RNPEPL1: variants seen among roughly 807,000 people sequenced by gnomAD.
The protein encoded by RNPEPL1 is arginyl aminopeptidase like 1.
RNPEPL1 carries 46 observed loss-of-function variants against 69.0 expected under a neutral mutation model. The ratio of observed to expected loss-of-function variants is 0.67; its 90% CI spans 0.53 to 0.85. The LOEUF is 0.85. Ranked by LOEUF, RNPEPL1 falls within the 40% of genes least tolerant of loss-of-function variation. RNPEPL1 has a pLI of 0.00. For missense variants in RNPEPL1, 869 were observed against 992.5 expected, an observed-to-expected ratio of 0.88 and a Z score of 1.67; for synonymous variants, 525 against 454.1, an observed-to-expected ratio of 1.16 and a Z score of -1.98.
At chr2:240,570,333 G>T (rs2093017636) in intron 1 of RNPEPL1, among the ~76,000 whole-genome samples, 4 of 152,212 alleles carry the variant, frequency 2.6e-5, no homozygotes, top group African/African-American at 7.2e-5. Context: ...GGTACTCTGG[G>T]CAGGGAGAGT....
intron 6 of RNPEPL1, 108 bp downstream of exon 6, chr2:240,574,736 C>T (rs1320397833): frequency 1.1e-5 from 11 of 1,020,046 alleles, no homozygotes; most frequent in Non-Finnish European, 1.5e-5. Flanking sequence ...CTGCACTGTG[C>T]CTGGACCCCT....
At position 240,568,553 on chromosome 2, in the gene RNPEPL1, C is replaced by G; in HGVS notation, c.-34C>G. On this transcript the variant is annotated 5_prime_UTR_variant, in exon 1 of 11. Coordinates refer to ENST00000270357, the MANE Select transcript of RNPEPL1 (RefSeq NM_018226.6). This position sits in a 1 kb window ranked among gnomAD's most constrained non-coding sequence, Gnocchi z 6.2. ...CCCCTCGCCCGCGGCCCGGCGCGGC[C>G]GCCGCCCATGGATTTCACCTAGTGC... The G allele has an allele frequency of 1.0e-6, 1 of 958,884 alleles. No homozygotes were observed. Among genetic ancestry groups the G allele is most frequent in the Non-Finnish European group, 1.2e-6 (1 of 809,312 alleles). The allele number at this position is 958,884 out of a possible 1,614,324, so 59.4% of individuals were successfully genotyped here. A position where few individuals can be genotyped will look rare whatever the true frequency, so the allele number is the denominator to read the frequency against.
chr2:240,573,614 G>A (rs2093028949), intron 3 of RNPEPL1, among the ~76,000 whole-genome samples, 161 bp from the exon 4 acceptor site: 1 of 152,254 alleles, frequency 6.6e-6, no homozygotes, highest in African/African-American at 2.4e-5. Flanking sequence ...GGGCCAGGGT[G>A]GCTGCCCATC....
Position 240,577,940 on chromosome 2 carries a change from C to G in RNPEPL1, c.*48C>G, listed in dbSNP as rs1281453562. ...GACCTCCCAGACACCACAATTGTGCCTTCTGTGGGCCAGGCCTGCCATGAC... is the reference window on the plus strand; with the variant it reads ...GACCTCCCAGACACCACAATTGTGCGTTCTGTGGGCCAGGCCTGCCATGAC... On this transcript the variant is annotated 3_prime_UTR_variant, in exon 11 of 11. Transcript: ENST00000270357. 4.2e-6 allele frequency: 6 copies of G among 1,421,524 alleles called. No homozygotes were observed. The highest frequency in any genetic ancestry group is 5.6e-6 in the Non-Finnish European group (6 of 1,076,774). 88.1% of individuals were successfully genotyped at this position (1,421,524 alleles called of 1,614,324 possible). A position where few individuals can be genotyped will look rare whatever the true frequency, so the allele number is the denominator to read the frequency against.
In RNPEPL1 at chr2:240,578,615, C is replaced by G. The variant is rs549577889; in HGVS notation, c.*723C>G. 1.7e-3 allele frequency: 264 copies of G among 152,714 alleles called. No homozygotes were observed. The highest frequency in any genetic ancestry group is 2.7e-3 in the Non-Finnish European group (181 of 68,240). 9.5% of individuals were successfully genotyped at this position (152,714 alleles called of 1,614,324 possible). A position where few individuals can be genotyped will look rare whatever the true frequency, so the allele number is the denominator to read the frequency against. ...GGGAAAGTGGGAGGTGGTGCTGGTGCTCTCTCCAGGCCCACCATGCTGGGA... is the reference window on the plus strand; with the variant it reads ...GGGAAAGTGGGAGGTGGTGCTGGTGGTCTCTCCAGGCCCACCATGCTGGGA... On this transcript the variant is annotated 3_prime_UTR_variant, in exon 11 of 11. Transcript: ENST00000270357.
intron 8 of RNPEPL1, 182 bp downstream of exon 8, chr2:240,575,792 G>A (rs548806052): frequency 4.5e-5 from 27 of 600,156 alleles, no homozygotes; most frequent in Non-Finnish European, 7.7e-5. Context: ...CAGGGCTGGG[G>A]TTGGGGGCCT....
At chr2:240,570,070 C>T (rs879480225) in intron 1 of RNPEPL1, among the ~76,000 whole-genome samples, 14 of 152,220 alleles carry the variant, frequency 9.2e-5, no homozygotes, top group Non-Finnish European at 2.1e-4. Flanking sequence ...GCTGGCTAGC[C>T]GGCCCCGCCC....
At chr2:240,570,194 T>A (rs2093017197) in intron 1 of RNPEPL1, among the ~76,000 whole-genome samples, 1 of 152,238 alleles carries the variant, frequency 6.6e-6, no homozygotes, top group Non-Finnish European at 1.5e-5. Context: ...AGCCCACGTG[T>A]CTGGTCCGCC....
At chr2:240,574,813 T>C (rs2093033110) in intron 6 of RNPEPL1, 185 bp downstream of exon 6, 2 of 663,362 alleles carry the variant, frequency 3.0e-6, no homozygotes, top group Admixed American at 2.5e-5. Context: ...CCACCGCCGC[T>C]TCCCTGGCTC....
rs533622177 is a variant in RNPEPL1 at position 240,581,016 on chromosome 2, G to A, written c.*3124G>A. 4 of 152,256 alleles carry A rather than the reference G, an allele frequency of 2.6e-5. No individual in the cohort carries two copies. In the East Asian group the frequency reaches 7.7e-4, roughly 29 times the overall value. The allele number at this position is 152,256 out of a possible 1,614,324, so 9.4% of individuals were successfully genotyped here. ...TCTCTGCCATCCCTACTCTAACTGGGACTTATTGGTGGTGTTTCTCTCCTA... is the reference window on the plus strand; with the variant it reads ...TCTCTGCCATCCCTACTCTAACTGGAACTTATTGGTGGTGTTTCTCTCCTA... On this transcript the variant is annotated 3_prime_UTR_variant, in exon 11 of 11. Transcript: ENST00000270357.
chr2:240,574,631 A>G lies in RNPEPL1; in HGVS notation c.1288+3A>G. ...ACTGCAGGTCAAGCTGGAGCCAGGTACCTGCTCCTCAGGACCCGCTCCCAC... is the reference window on the plus strand; with the variant it reads ...ACTGCAGGTCAAGCTGGAGCCAGGTGCCTGCTCCTCAGGACCCGCTCCCAC... On this transcript the variant is annotated splice_donor_region_variant and intron_variant, in intron 6 of 10. Transcript: ENST00000270357. 1.2e-6 allele frequency: 2 copies of G among 1,610,686 alleles called. No individual in the cohort carries two copies. The highest frequency in any genetic ancestry group is 1.7e-6 in the Non-Finnish European group (2 of 1,178,620).
chr2:240,577,336 C>T (rs542512439), intron 10 of RNPEPL1, among the ~76,000 whole-genome samples: 3 of 152,326 alleles, frequency 2.0e-5, no homozygotes, highest in East Asian at 1.9e-4. Flanking sequence ...CCCTCAGGCC[C>T]GTGGGCCCTG....
chr2:240,573,469 C>G (rs77823599), intron 3 of RNPEPL1, among the ~76,000 whole-genome samples: 2,702 of 152,332 alleles, frequency 0.018, 79 homozygotes, highest in African/African-American at 0.06. Flanking sequence ...CCACCCAGTG[C>G]CTGCCCTGCA....
Position 240,573,902 on chromosome 2 carries a change from G to A in RNPEPL1, c.938+11G>A. 1.3e-6 allele frequency: 2 copies of A among 1,575,318 alleles called. No homozygotes were observed. The highest frequency in any genetic ancestry group is 8.6e-7 in the Non-Finnish European group (1 of 1,159,260). On this transcript the variant is annotated intron_variant, in intron 4 of 10. Transcript: ENST00000270357. ...CTACATGTGGGGCAGGTAGGCCCCG[G>A]GGACCTGTGGACCTGGCTGGCTGGA...
intron 2 of RNPEPL1, among the ~76,000 whole-genome samples, 159 bp downstream of exon 2, chr2:240,572,722 C>G (rs1019051172): frequency 2.6e-5 from 4 of 152,170 alleles, no homozygotes; most frequent in Admixed American, 2.6e-4. Context: ...TGGGAGGAGC[C>G]GCTTTGCAGG....
Position 240,568,823 on chromosome 2 carries a change from G to C in RNPEPL1, c.237G>C (p.Ala79=). Reference sequence around the variant, plus strand: ...CGCCCCGCGCGCTCGTGCTCGACGCGCACCCGGCTCTGCGCCTGCACTCAG... The same window carrying C: ...CGCCCCGCGCGCTCGTGCTCGACGCCCACCCGGCTCTGCGCCTGCACTCAG... ...RPAPRALVLD[A]HPALRLHSAA... is the part of the protein sequence containing the mutation. Residue 79 remains alanine (A), a synonymous_variant, in exon 1 of 11, where the codon GCG becomes GCC. Transcript: ENST00000270357. The surrounding 1 kb of genome is among the most constrained non-coding windows in gnomAD (Gnocchi z 6.2). The C allele has an allele frequency of 8.9e-7, 1 of 1,129,178 alleles. No individual in the cohort carries two copies. 69.9% of individuals were successfully genotyped at this position (1,129,178 alleles called of 1,614,324 possible). A position where few individuals can be genotyped will look rare whatever the true frequency, so the allele number is the denominator to read the frequency against.
chr2:240,575,294 G>A (rs976990475), intron 7 of RNPEPL1, 152 bp downstream of exon 7: 2 of 743,606 alleles, frequency 2.7e-6, no homozygotes, highest in African/African-American at 1.7e-5. Flanking sequence ...TTTGTGGGGA[G>A]TGCCTGGGTT....
At chr2:240,571,788 G>A (rs1193981037) in intron 1 of RNPEPL1, among the ~76,000 whole-genome samples, 2 of 151,890 alleles carry the variant, frequency 1.3e-5, no homozygotes, top group Non-Finnish European at 2.9e-5. Context: ...AGCGGCCCCA[G>A]CCATCCTTCC....
In RNPEPL1 at chr2:240,573,423, C is replaced by CTGCCTGCCAGGGCCT. The variant is rs542047851; in HGVS notation, c.821+166_821+167insTGCCAGGGCCTTGCC. On this transcript the variant is annotated intron_variant, in intron 3 of 10. Transcript: ENST00000270357. ...CTGCCTTGGTGCCACCGCCAGGGCCCTGCCACCCATGTGCCCTCAGACCCG... is the reference window on the plus strand; with the variant it reads ...CTGCCTTGGTGCCACCGCCAGGGCCCTGCCTGCCAGGGCCTTGCCACCCATGTGCCCTCAGACCCG... Among the ~76,000 whole-genome samples, 419 of 152,312 alleles carry CTGCCTGCCAGGGCCT rather than the reference C, an allele frequency of 2.8e-3. 3 individuals are homozygous for CTGCCTGCCAGGGCCT. The highest frequency in any genetic ancestry group is 5.0e-3 in the Non-Finnish European group (340 of 68,010).
Sources: allele counts gnomAD v4.1 joint callset (sites outside exome capture counted in the v4.1 genomes callset), GRCh38; gene constraint gnomAD v4.1.1; non-coding constraint Gnocchi (gnomAD v3.1); transcripts MANE v1.5; gene names NCBI Gene and HGNC (gene_info 2026-07-23, HGNC 2026-07-21).